The following ROS1 variants were observed in gnomAD, a reference collection of about 807,000 sequenced individuals.
ROS1 encodes the protein proto-oncogene tyrosine-protein kinase ROS.
In ROS1, 263 loss-of-function variants were observed where a neutral mutation model predicts 273.5. The observed-to-expected ratio is 0.96, with a 90% CI of 0.87 to 1.06. ROS1 has a LOEUF of 1.06. Among genes scored for constraint, ROS1 ranks in the 50% least tolerant of loss-of-function variants. ROS1 has a pLI of 0.00. For missense variants in ROS1, 2,833 were observed against 2,751.1 expected (o/e 1.03, Z -0.67); for synonymous variants, 1,008 against 954.1 (o/e 1.06, Z -1.04).
chr6:117,366,276 G>A lies in ROS1; in HGVS notation c.2597C>T (p.Thr866Ile). ...ACTCCAGGCTGCAAATTCTGTGATGGTGGTATCCCCAGTGCTGCTAAAACA... is the reference window on the plus strand; with the variant it reads ...ACTCCAGGCTGCAAATTCTGTGATGATGGTATCCCCAGTGCTGCTAAAACA... Reference protein sequence around the residue: ...VLRGQSTGDTTITEFAAWSTS... With the variant: ...VLRGQSTGDTIITEFAAWSTS... The change falls in exon 19 of 44, where the codon ACC becomes ATC. Residue 866 changes from threonine to isoleucine, a missense_variant. By Grantham distance (89) the Thr-to-Ile change is moderately conservative (BLOSUM62 -1). Transcript: ENST00000368507. 6.2e-7 allele frequency: 1 copy of A among 1,613,842 alleles called. No homozygotes were observed. Among genetic ancestry groups the A allele is most frequent in the South Asian group, 1.1e-5 (1 of 91,078 alleles).
At chr6:117,365,523 C>T (rs1461843719) in intron 20 of ROS1, 58 bp downstream of exon 20, 1 of 1,446,122 alleles carries the variant, frequency 6.9e-7, no homozygotes, top group East Asian at 2.3e-5. Flanking sequence ...GTGGGCAAGG[C>T]TGACACAGAT....
rs903480307 is a variant in ROS1, at chr6:117,356,522, A to G, written c.4126+107T>C. The G allele has an allele frequency of 4.8e-6, 5 of 1,043,528 alleles. No homozygotes were observed. The African/African-American group carries it at 8.0e-5, about 17-fold the overall frequency. The allele number at this position is 1,043,528 out of a possible 1,614,324, so 64.6% of individuals were successfully genotyped here. On this transcript the variant is annotated intron_variant, in intron 26 of 43. Transcript: ENST00000368507. ...GAACACTTGGCATGGTACAGAGCAAATATCATGTGTATATTTGAGTATACG... is the reference window on the plus strand; with the variant it reads ...GAACACTTGGCATGGTACAGAGCAAGTATCATGTGTATATTTGAGTATACG...
chr6:117,422,805 T>C (rs772864566), intron 1 of ROS1, among the ~76,000 whole-genome samples: 6 of 152,304 alleles, frequency 3.9e-5, no homozygotes, highest in Admixed American at 2.6e-4. Flanking sequence ...CCTTGATATC[T>C]CAGTATTTGA....
intron 33 of ROS1, among the ~76,000 whole-genome samples, chr6:117,326,842 G>A (rs1403431216): frequency 1.3e-5 from 2 of 152,242 alleles, no homozygotes; most frequent in Admixed American, 1.3e-4. Flanking sequence ...ATACAAAATT[G>A]ATAAGGAAAG....
chr6:117,372,646 A>G (rs1780908151), intron 18 of ROS1, among the ~76,000 whole-genome samples: 1 of 152,040 alleles, frequency 6.6e-6, no homozygotes, highest in Admixed American at 6.6e-5. Context: ...TGAGTGTTAC[A>G]GCTCTTAAGG....
rs758795675 is a variant in ROS1 at position 117,341,218 on chromosome 6, C to G, written c.4978G>C (p.Val1660Leu). The G allele has an allele frequency of 6.2e-7, 1 of 1,613,480 alleles. No individual in the cohort carries two copies. The highest frequency in any genetic ancestry group is 1.1e-5 in the South Asian group (1 of 91,064). The change falls in exon 31 of 44, where the codon GTT becomes CTT. Residue 1660 changes from valine to leucine, a missense_variant. Physicochemically the swap from Val to Leu is conservative, Grantham distance 32. Transcript: ENST00000368507. The part of the protein sequence containing the change: ...FNTPEKPYSL[V>L]PENTSLQFNW... ...AATTGCAAACTAGTGTTCTCTGGAA[C>G]CAAGGAATAAGGTTTCTCTGGTGTG...
At chr6:117,411,204 C>T (rs1774875003) in intron 4 of ROS1, among the ~76,000 whole-genome samples, 3 of 151,050 alleles carry the variant, frequency 2.0e-5, no homozygotes, top group South Asian at 2.1e-4. Context: ...CTAACAACTA[C>T]GTTTCCTTCT....
chr6:117,329,498 C>G (rs2128593806), intron 32 of ROS1, 52 bp from the exon 33 acceptor site: 1 of 845,180 alleles, frequency 1.2e-6, no homozygotes, highest in Non-Finnish European at 2.0e-6. Context: ...TATTAATCTT[C>G]TGCACTGAAA....
intron 4 of ROS1, among the ~76,000 whole-genome samples, chr6:117,412,779 A>T (rs1421446712): frequency 2.0e-5 from 3 of 152,186 alleles, no homozygotes; most frequent in African/African-American, 7.2e-5. Flanking sequence ...ATCACAGAAA[A>T]CTGAGCAGCA....
chr6:117,398,664 G>C (rs1244932427), intron 7 of ROS1, among the ~76,000 whole-genome samples: 1 of 132,148 alleles, frequency 7.6e-6, no homozygotes, highest in Admixed American at 7.6e-5. Flanking sequence ...GGGTGACAGA[G>C]TGAGACCTTG....
chr6:117,324,649 AT>A (rs1776513221), intron 34 of ROS1, among the ~76,000 whole-genome samples: 1 of 152,172 alleles, frequency 6.6e-6, no homozygotes, highest in Non-Finnish European at 1.5e-5. Context: ...CCACTGGAAT[AT>A]ATCCACTCAA....
intron 17 of ROS1, 44 bp downstream of exon 17, chr6:117,383,272 GA>G (rs771871963): frequency 1.5e-6 from 2 of 1,363,516 alleles, no homozygotes; most frequent in East Asian, 4.6e-5. Flanking sequence ...CATAAATATA[GA>G]GCTATTCAGT....
intron 42 of ROS1, 139 bp downstream of exon 42, chr6:117,308,655 T>C (rs1775300069): frequency 1.3e-6 from 1 of 741,832 alleles, no homozygotes; most frequent in Non-Finnish European, 2.1e-6. Context: ...ACACAATGAA[T>C]TGATATTTTA....
Position 117,359,833 on chromosome 6 carries a change from G to C in ROS1, c.3609C>G (p.His1203Gln). Residue 1203 changes from histidine (H) to glutamine (Q), a missense_variant, in exon 24 of 44, where the codon CAC (histidine) becomes CAG (glutamine). By Grantham distance (24) the His-to-Gln change is conservative. Transcript: ENST00000368507. Reference protein sequence around the residue: ...YAEGDSLFLLHLHNRSSSELF... With the variant: ...YAEGDSLFLLQLHNRSSSELF... ...CCTCAGAGCTAGAGCGATTGTGCAA[G>C]TGCAGAAGAAAGAGTGAGTCCCCTT... 1 of 1,613,794 alleles carries C rather than the reference G, an allele frequency of 6.2e-7. No individual in the cohort carries two copies. The highest frequency in any genetic ancestry group is 1.1e-5 in the South Asian group (1 of 91,072).
chr6:117,385,223 A>G (rs1772463212), intron 16 of ROS1, among the ~76,000 whole-genome samples: 1 of 152,236 alleles, frequency 6.6e-6, no homozygotes, highest in Admixed American at 6.5e-5. Flanking sequence ...TTCAACAAAT[A>G]GTGATAACAA....
chr6:117,376,090 C>G (rs1781310441), intron 18 of ROS1, among the ~76,000 whole-genome samples: 1 of 151,676 alleles, frequency 6.6e-6, no homozygotes, highest in Non-Finnish European at 1.5e-5. Flanking sequence ...AGAAAAAAAT[C>G]AATAATGCCA....
At chr6:117,350,921 G>A (rs1778795789) in intron 27 of ROS1, among the ~76,000 whole-genome samples, 1 of 151,812 alleles carries the variant, frequency 6.6e-6, no homozygotes. Context: ...AGAGCCCCTA[G>A]CATATTAATC....
At chr6:117,422,427 A>G (rs1158567799) in intron 1 of ROS1, among the ~76,000 whole-genome samples, 4 of 152,134 alleles carry the variant, frequency 2.6e-5, no homozygotes, top group Non-Finnish European at 4.4e-5. Flanking sequence ...CATCTTTATC[A>G]TATTTCACAT....
intron 42 of ROS1, among the ~76,000 whole-genome samples, chr6:117,303,523 A>G (rs1450940049): frequency 6.6e-6 from 1 of 152,150 alleles, no homozygotes; most frequent in Non-Finnish European, 1.5e-5. Flanking sequence ...AGCTTGGCAC[A>G]TTTTAGAACC....
Sources: gnomAD v4.1 joint callset for allele counts (sites outside exome capture counted in the v4.1 genomes callset) on GRCh38, gnomAD v4.1.1 for gene constraint, MANE v1.5 for transcripts, NCBI Gene and HGNC (gene_info 2026-07-23, HGNC 2026-07-21) for gene names.